The following REEP3 variants were observed in gnomAD, a reference collection of about 807,000 sequenced individuals.
REEP3 encodes the protein receptor expression-enhancing protein 3.
REEP3 carries 20 observed loss-of-function variants against 41.3 expected under a neutral mutation model. That is an observed-to-expected ratio of 0.48 (90% CI 0.34 to 0.70). The LOEUF (loss-of-function observed/expected upper bound fraction) is 0.70. Among genes scored for constraint, REEP3 ranks in the 30% least tolerant of loss-of-function variants. REEP3 has a pLI of 0.01. For missense variants in REEP3, 271 were observed against 308.8 expected, an observed-to-expected ratio of 0.88 and a Z score of 0.92; for synonymous variants, 104 against 101.8, an observed-to-expected ratio of 1.02 and a Z score of -0.13.
chr10:63,624,924 G>A lies in REEP3; in HGVS notation c.*4055G>A, dbSNP rs901149840. ...GGTTCCATCTGTTTTAAAGTTAGAC[G>A]TCTGTCTGCCTCACATTTAAGCTTT... is the stretch of plus-strand genomic sequence containing the variant. On this transcript the variant is annotated 3_prime_UTR_variant, in exon 8 of 8. Transcript: ENST00000373758. 13 of 152,022 alleles carry A rather than the reference G, an allele frequency of 8.6e-5. No individual in the cohort carries two copies. Among genetic ancestry groups the A allele is most frequent in the East Asian group, 1.9e-4 (1 of 5,198 alleles). 9.4% of individuals were successfully genotyped at this position (152,022 alleles called of 1,614,324 possible).
At position 63,575,560 on chromosome 10, in the gene REEP3, AT is replaced by A. The variant is rs965653580; in HGVS notation, c.105+9160del. Among the ~76,000 whole-genome samples, 61 of 149,008 alleles carry A rather than the reference AT, an allele frequency of 4.1e-4. 1 individual carries two copies. Among genetic ancestry groups the A allele is most frequent in the South Asian group, 2.8e-3 (13 of 4,698 alleles). ...GTAAGGCACTTGGACTGGTTTTCCA[AT>A]TTTTTTTTTAATCTTTTCCCTTCTC... is the stretch of plus-strand genomic sequence containing the variant. On this transcript the variant is annotated intron_variant, in intron 2 of 7. Transcript: ENST00000373758.
At position 63,563,010 on chromosome 10, in the gene REEP3, T is replaced by G. The variant is rs749416292; in HGVS notation, c.33-3328T>G. 4.2e-5 allele frequency: 19 copies of G among 456,328 alleles called. 1 individual carries two copies. In the East Asian group the frequency reaches 1.3e-3, roughly 32 times the overall value. The allele number at this position is 456,328 out of a possible 1,614,324, so 28.3% of individuals were successfully genotyped here. On this transcript the variant is annotated intron_variant, in intron 1 of 7. Transcript: ENST00000373758. ...GATTGGCTTCCTTCTAAGAAGAGAT[T>G]AGGCCACACACACAAACTGAGGGGC...
intron 6 of REEP3, among the ~76,000 whole-genome samples, chr10:63,611,494 A>G (rs552312395): frequency 7.9e-5 from 12 of 152,342 alleles, no homozygotes; most frequent in Non-Finnish European, 1.5e-4. Flanking sequence ...TTAAAAAACT[A>G]TCATGATCTT....
At chr10:63,599,771 C>A in intron 5 of REEP3, 1 of 703,416 alleles carries the variant, frequency 1.4e-6, no homozygotes, top group South Asian at 6.4e-5. Flanking sequence ...TGGTACTTAG[C>A]CAGTTACTAA....
intron 2 of REEP3, among the ~76,000 whole-genome samples, chr10:63,578,929 G>A (rs1589874261): frequency 1.3e-5 from 2 of 150,616 alleles, no homozygotes; most frequent in Admixed American, 6.6e-5. Context: ...TTTTTCATAT[G>A]TCATGTTTAC....
Position 63,624,927 on chromosome 10 carries a change from T to A in REEP3, c.*4058T>A. The stretch of plus-strand genomic sequence containing the variant: ...TCCATCTGTTTTAAAGTTAGACGTC[T>A]GTCTGCCTCACATTTAAGCTTTAGA... On this transcript the variant is annotated 3_prime_UTR_variant, in exon 8 of 8. Transcript: ENST00000373758. 6.6e-6 allele frequency: 1 copy of A among 152,176 alleles called. No individual in the cohort carries two copies. The highest frequency in any genetic ancestry group is 1.9e-4 in the East Asian group (1 of 5,200). The allele number at this position is 152,176 out of a possible 1,614,324, so 9.4% of individuals were successfully genotyped here.
chr10:63,610,129 G>T, intron 5 of REEP3, 58 bp from the exon 6 acceptor site: 1 of 1,413,770 alleles, frequency 7.1e-7, no homozygotes, highest in South Asian at 1.3e-5. Context: ...TTCAGGGATA[G>T]TTAAATGTAA....
In REEP3 at chr10:63,598,006, A is replaced by G; in HGVS notation, c.183-18A>G. On this transcript the variant is annotated intron_variant, in intron 3 of 7. Coordinates refer to ENST00000373758, the MANE Select transcript of REEP3 (RefSeq NM_001001330.3). Reference sequence around the variant, plus strand: ...TGTTTTTCACTGGCAGTTTATTTCCAAATGTTTTTCTTATTAGGTTTCCCC... The same window carrying G: ...TGTTTTTCACTGGCAGTTTATTTCCGAATGTTTTTCTTATTAGGTTTCCCC... 1 of 1,588,550 alleles carries G rather than the reference A, an allele frequency of 6.3e-7. No homozygotes were observed. The highest frequency in any genetic ancestry group is 1.8e-5 in the Admixed American group (1 of 54,784).
intron 2 of REEP3, among the ~76,000 whole-genome samples, chr10:63,591,863 T>C (rs1275943085): frequency 2.6e-5 from 4 of 152,236 alleles, no homozygotes; most frequent in Non-Finnish European, 5.9e-5. Context: ...TTGCCTCTAC[T>C]CAACCCTATT....
chr10:63,614,607 C>T (rs763854730), intron 6 of REEP3, among the ~76,000 whole-genome samples: 2 of 152,150 alleles, frequency 1.3e-5, no homozygotes, highest in Non-Finnish European at 2.9e-5. Context: ...GGCCAGTGTG[C>T]CGAGAGAAAC....
In REEP3 at chr10:63,606,614, A is replaced by G. The variant is rs2133424155; in HGVS notation, c.418-3573A>G. 1.3e-5 allele frequency among the ~76,000 whole-genome samples: 2 copies of G among 152,324 alleles called. 1 individual carries two copies. Among genetic ancestry groups the G allele is most frequent in the Admixed American group, 1.3e-4 (2 of 15,302 alleles). On this transcript the variant is annotated intron_variant, in intron 5 of 7. Transcript: ENST00000373758. ...ATAAATTAAATAGAAGAAAATAGATACACAAAGCATTATTAATTTAAACAA... is the reference window on the plus strand; with the variant it reads ...ATAAATTAAATAGAAGAAAATAGATGCACAAAGCATTATTAATTTAAACAA...
intron 2 of REEP3, among the ~76,000 whole-genome samples, chr10:63,584,771 G>A (rs1423213157): frequency 6.6e-6 from 1 of 152,166 alleles, no homozygotes; most frequent in Admixed American, 6.5e-5. Context: ...ATGTGGTGTA[G>A]AATGAATGTT....
chr10:63,591,849 C>G (rs536908102), intron 2 of REEP3, among the ~76,000 whole-genome samples: 1 of 152,300 alleles, frequency 6.6e-6, no homozygotes, highest in East Asian at 1.9e-4. Context: ...TCTGTACAGT[C>G]CTTTTGCCTC....
intron 1 of REEP3, chr10:63,562,895 G>T: frequency 2.2e-6 from 1 of 456,252 alleles, no homozygotes; most frequent in South Asian, 1.6e-5. Context: ...AACCCCCTGC[G>T]CATCAGAATG....
chr10:63,524,880 C>T (rs1023610351), intron 1 of REEP3, among the ~76,000 whole-genome samples: 6 of 152,042 alleles, frequency 3.9e-5, no homozygotes, highest in Non-Finnish European at 7.3e-5. Context: ...GGCGTGATGG[C>T]GCACACCTGT....
intron 6 of REEP3, among the ~76,000 whole-genome samples, chr10:63,614,057 T>C (rs1038724262): frequency 2.0e-5 from 3 of 152,182 alleles, no homozygotes; most frequent in Admixed American, 1.3e-4. Context: ...TCCCATTATA[T>C]GTTATAGGCA....
chr10:63,625,086 C>A lies in REEP3; in HGVS notation c.*4217C>A, dbSNP rs745606076. On this transcript the variant is annotated 3_prime_UTR_variant, in exon 8 of 8. Transcript: ENST00000373758. ...TTATGAGGTATATACTTGTAATGAT[C>A]TAAAGAGGTTAGAAATATAAATAAA... The A allele has an allele frequency of 1.3e-5, 2 of 151,952 alleles. No homozygotes were observed. The highest frequency in any genetic ancestry group is 6.6e-5 in the Admixed American group (1 of 15,252). The allele number at this position is 151,952 out of a possible 1,614,324, so 9.4% of individuals were successfully genotyped here.
At chr10:63,572,815 C>G (rs752982039) in intron 2 of REEP3, among the ~76,000 whole-genome samples, 3 of 152,144 alleles carry the variant, frequency 2.0e-5, no homozygotes, top group African/African-American at 4.8e-5. Context: ...GTACCTGCTG[C>G]ATAATAGGTA....
intron 1 of REEP3, among the ~76,000 whole-genome samples, chr10:63,541,868 C>A (rs1019118341): frequency 3.9e-5 from 6 of 152,178 alleles, no homozygotes; most frequent in African/African-American, 7.2e-5. Context: ...TTCCAGCCAA[C>A]TTTGAAATTG....
Sources: gnomAD v4.1 joint callset for allele counts (sites outside exome capture counted in the v4.1 genomes callset) on GRCh38, gnomAD v4.1.1 for gene constraint, MANE v1.5 for transcripts, NCBI Gene and HGNC (gene_info 2026-07-23, HGNC 2026-07-21) for gene names.